Variants in XRN1 observed in about 807,000 individuals in gnomAD.
XRN1 encodes the protein 5'-3' exoribonuclease 1.
Under a neutral mutation model 222.3 loss-of-function variants are expected in XRN1, and 67 were observed. That is an observed-to-expected ratio of 0.30 (90% CI 0.25 to 0.37). The LOEUF is 0.37. Ranked by LOEUF, XRN1 falls within the 10% of genes least tolerant of loss-of-function variation. The pLI is 1.00. For missense variants in XRN1, 1,707 were observed against 2,000.2 expected (o/e 0.85, Z 2.80); for synonymous variants, 643 against 652.4 (o/e 0.99, Z 0.22).
At chr3:142,411,457 G>A (rs371719781) in intron 15 of XRN1, among the ~76,000 whole-genome samples, 24 of 151,764 alleles carry the variant, frequency 1.6e-4, no homozygotes, top group East Asian at 1.2e-3. Flanking sequence ...CTTGTTTAGC[G>A]TCTAGAACCT....
rs1464894761 is a variant in XRN1 at position 142,329,549 on chromosome 3, C to A, written c.4289G>T (p.Cys1430Phe). 1.2e-6 allele frequency: 2 copies of A among 1,600,640 alleles called. No homozygotes were observed. Among genetic ancestry groups the A allele is most frequent in the East Asian group, 4.5e-5 (2 of 44,182 alleles). The change falls in exon 37 of 41, where the codon TGT becomes TTT. Residue 1430 changes from cysteine to phenylalanine, a missense_variant. Cys to Phe is a radical substitution (Grantham distance 205, BLOSUM62 -2). Coordinates refer to ENST00000392981, the MANE Select transcript of XRN1 (RefSeq NM_001282857.2). Reference sequence around the variant, plus strand: ...AGGGATCTGGCTGGGGGCAGGCCAACACATATTGTCCATAGACTGAACATT... The same window carrying A: ...AGGGATCTGGCTGGGGGCAGGCCAAAACATATTGTCCATAGACTGAACATT... Reference protein sequence around the residue: ...YHNVQSMDNMCWPAPSQIPPV... With the variant: ...YHNVQSMDNMFWPAPSQIPPV...
intron 10 of XRN1, among the ~76,000 whole-genome samples, chr3:142,420,597 C>A (rs2068986663): frequency 6.6e-6 from 1 of 152,082 alleles, no homozygotes; most frequent in South Asian, 2.1e-4. Context: ...GTCTCAAACT[C>A]CTGACCTCAG....
At chr3:142,317,329 A>G (rs958408092) in intron 39 of XRN1, among the ~76,000 whole-genome samples, 3 of 151,998 alleles carry the variant, frequency 2.0e-5, no homozygotes, top group Admixed American at 2.0e-4. Flanking sequence ...GGATCTGTGC[A>G]CTAAGTCTCT....
At chr3:142,376,656 C>A in intron 23 of XRN1, 62 bp from the exon 24 acceptor site, 1 of 1,201,536 alleles carries the variant, frequency 8.3e-7, no homozygotes, top group Non-Finnish European at 1.2e-6. Flanking sequence ...AATGTTATTT[C>A]TTTACCTTTA....
At position 142,399,542 on chromosome 3, in the gene XRN1, G is replaced by C. The variant is rs142121832; in HGVS notation, c.2207+902C>G. ...TTCTGGATCTAGGGCTAGAATAAGAGCTCTTAGACATGACACCAAAAGCAT... is the reference window on the plus strand; with the variant it reads ...TTCTGGATCTAGGGCTAGAATAAGACCTCTTAGACATGACACCAAAAGCAT... On this transcript the variant is annotated intron_variant, in intron 19 of 40. Coordinates refer to ENST00000392981, the MANE Select transcript of XRN1 (RefSeq NM_001282857.2). Among the ~76,000 whole-genome samples the C allele has an allele frequency of 9.2e-5, 14 of 152,084 alleles. 1 individual carries two copies. In the East Asian group the frequency reaches 2.5e-3, roughly 27 times the overall value.
At chr3:142,332,331 AT>A (rs750584992) in intron 36 of XRN1, 43 bp downstream of exon 36, 4 of 1,375,514 alleles carry the variant, frequency 2.9e-6, no homozygotes, top group Admixed American at 4.3e-5. Flanking sequence ...AATGAATTGA[AT>A]TTTTAAAATG....
At chr3:142,420,433 T>C (rs28708455) in intron 10 of XRN1, 95,883 of 152,686 alleles carry the variant, frequency 0.63, 31,656 homozygotes, top group African/African-American at 0.85. Context: ...GTGCAGTGGC[T>C]CAGTCTTGGC....
chr3:142,311,155 C>T lies in XRN1; in HGVS notation c.*356G>A, dbSNP rs2065065947. 6.3e-6 allele frequency: 1 copy of T among 158,406 alleles called. No homozygotes were observed. The highest frequency in any genetic ancestry group is 2.4e-5 in the African/African-American group (1 of 41,636). 9.8% of individuals were successfully genotyped at this position (158,406 alleles called of 1,614,324 possible). A position where few individuals can be genotyped will look rare whatever the true frequency, so the allele number is the denominator to read the frequency against. ...AATGCTTATTATTGCTAACTGATGT[C>T]TAATTCATAGTTCAGGATGCTTCAA... On this transcript the variant is annotated 3_prime_UTR_variant, in exon 41 of 41. Transcript: ENST00000392981.
chr3:142,332,907 G>T (rs910712880), intron 35 of XRN1, 60 bp downstream of exon 35: 1 of 1,593,578 alleles, frequency 6.3e-7, no homozygotes, highest in African/African-American at 1.3e-5. Context: ...CATGGGATAT[G>T]TCTGCATGGT....
At chr3:142,323,169 T>C (rs2065407856) in intron 37 of XRN1, among the ~76,000 whole-genome samples, 1 of 152,182 alleles carries the variant, frequency 6.6e-6, no homozygotes, top group Non-Finnish European at 1.5e-5. Flanking sequence ...TTTTTCTTAT[T>C]TCCTACCTTC....
chr3:142,406,824 A>C (rs140512891), intron 15 of XRN1, among the ~76,000 whole-genome samples: 267 of 152,240 alleles, frequency 1.8e-3, no homozygotes, highest in African/African-American at 6.2e-3. Context: ...TTTGATGAGA[A>C]TTTCAGCTGG....
intron 33 of XRN1, among the ~76,000 whole-genome samples, chr3:142,346,948 G>A (rs1411211924): frequency 6.6e-6 from 1 of 152,194 alleles, no homozygotes; most frequent in Admixed American, 6.5e-5. Flanking sequence ...TATATGAAGT[G>A]TCTAGAATAG....
chr3:142,412,804 C>A, intron 14 of XRN1, 141 bp from the exon 15 acceptor site: 1 of 558,882 alleles, frequency 1.8e-6, no homozygotes, highest in Non-Finnish European at 2.8e-6. Flanking sequence ...TTTGATATGT[C>A]ACAATATACT....
At chr3:142,315,325 C>T in intron 39 of XRN1, among the ~76,000 whole-genome samples, 1 of 151,702 alleles carries the variant, frequency 6.6e-6, no homozygotes, top group East Asian at 1.9e-4. Flanking sequence ...TTGGTTTGGG[C>T]CTTTGGGGGT....
At chr3:142,375,109 C>T (rs1427126377) in intron 25 of XRN1, among the ~76,000 whole-genome samples, 1 of 152,126 alleles carries the variant, frequency 6.6e-6, no homozygotes, top group South Asian at 2.1e-4. Context: ...TGCAATATCT[C>T]GATTTTGGAC....
At chr3:142,320,417 T>C (rs1050680983) in intron 37 of XRN1, among the ~76,000 whole-genome samples, 2 of 152,204 alleles carry the variant, frequency 1.3e-5, no homozygotes. Flanking sequence ...CTGTTTTTAA[T>C]GGGGTTATCT....
In XRN1 at chr3:142,418,892, T is replaced by C; in HGVS notation, c.1174-11A>G. 2 of 1,611,172 alleles carry C rather than the reference T, an allele frequency of 1.2e-6. No homozygotes were observed. Among genetic ancestry groups the C allele is most frequent in the Non-Finnish European group, 1.7e-6 (2 of 1,177,434 alleles). On this transcript the variant is annotated splice_polypyrimidine_tract_variant and intron_variant, in intron 10 of 40. Transcript: ENST00000392981. The stretch of plus-strand genomic sequence containing the variant: ...AGAATTTTCCTGGCCCTGTAAATTG[T>C]AAATCAACATAAAATGAATGGCAAG...
At chr3:142,385,160 T>C (rs2107949937) in intron 20 of XRN1, among the ~76,000 whole-genome samples, 1 of 152,176 alleles carries the variant, frequency 6.6e-6, no homozygotes, top group Non-Finnish European at 1.5e-5. Context: ...CTCAAACAAA[T>C]ATTGATACAC....
At chr3:142,378,317 G>A (rs1477005210) in intron 23 of XRN1, among the ~76,000 whole-genome samples, 1 of 152,190 alleles carries the variant, frequency 6.6e-6, no homozygotes, top group East Asian at 1.9e-4. Flanking sequence ...GATACATACA[G>A]CTTTTGCAGA....
Sources: allele counts gnomAD v4.1 joint callset (sites outside exome capture counted in the v4.1 genomes callset), GRCh38; gene constraint gnomAD v4.1.1; transcripts MANE v1.5; gene names NCBI Gene and HGNC (gene_info 2026-07-23, HGNC 2026-07-21).